Variants in PGM2 observed in about 807,000 individuals in gnomAD.
The protein encoded by PGM2 is phosphopentomutase.
A neutral mutation model predicts 74.6 loss-of-function variants in PGM2; 57 were observed. That is an observed-to-expected ratio of 0.76 (90% CI 0.62 to 0.95). The LOEUF (loss-of-function observed/expected upper bound fraction) is 0.95. PGM2 is among the 40% of genes least tolerant of loss of function. The pLI is 0.00. For missense variants in PGM2, 706 were observed against 741.9 expected (o/e 0.95, Z 0.56); for synonymous variants, 273 against 260.7 (o/e 1.05, Z -0.46).
At position 37,840,197 on chromosome 4, in the gene PGM2, C is replaced by CAAA; in HGVS notation, c.659_660insAAA (p.His219_Asn220insLys). 19 of 1,612,798 alleles carry CAAA rather than the reference C, an allele frequency of 1.2e-5. No individual in the cohort carries two copies. Among genetic ancestry groups the CAAA allele is most frequent in the Non-Finnish European group, 1.6e-5 (19 of 1,178,758 alleles). On this transcript the variant is annotated inframe_insertion, in exon 6 of 14. Coordinates refer to ENST00000381967, the MANE Select transcript of PGM2 (RefSeq NM_018290.4). ...TAATTGATAGCAGTCCACTTCTCCACAATCCGAGTGCTTCCATCAATAATG... is the reference window on the plus strand; with the variant it reads ...TAATTGATAGCAGTCCACTTCTCCACAAAAATCCGAGTGCTTCCATCAATAATG...
At chr4:37,858,166 TA>T (rs1257585819) in intron 13 of PGM2, among the ~76,000 whole-genome samples, 1 of 152,156 alleles carries the variant, frequency 6.6e-6, no homozygotes. Flanking sequence ...TATTAGCTTA[TA>T]AATTAGTGAA....
At chr4:37,845,227 A>T (rs978358633) in intron 7 of PGM2, among the ~76,000 whole-genome samples, 1 of 152,186 alleles carries the variant, frequency 6.6e-6, no homozygotes, top group African/African-American at 2.4e-5. Flanking sequence ...AGTGTTGCTT[A>T]CATTATGGTT....
rs1725397671 is a variant in PGM2, at chr4:37,830,002, A to G, written c.120A>G (p.Ala40=). The G allele has an allele frequency of 6.2e-7, 1 of 1,609,182 alleles. No homozygotes were observed. The highest frequency in any genetic ancestry group is 8.5e-7 in the Non-Finnish European group (1 of 1,178,172). ...LTLEAVKRLI[A]EGNKEELRKC... ...TGGAGGCAGTGAAACGACTAATAGC[A>G]GAAGGTAATAAAGAAGAACTACGAA... Residue 40 remains alanine (A), a synonymous_variant, in exon 2 of 14, where the codon GCA becomes GCG. Transcript: ENST00000381967.
chr4:37,845,636 T>C lies in PGM2; in HGVS notation c.913T>C (p.Leu305=), dbSNP rs910084199. Reference sequence around the variant, plus strand: ...TTATTTTCATATTCTTCTTCAGACTTTGTCTTTTGCTTTGGCTGACAAAAC... The same window carrying C: ...TTATTTTCATATTCTTCTTCAGACTCTGTCTTTTGCTTTGGCTGACAAAAC... The part of the protein sequence containing the change: ...NPEEGKGVLT[L]SFALADKTKA... Residue 305 remains leucine, a synonymous_variant, in exon 8 of 14, where the codon TTG becomes CTG. Transcript: ENST00000381967. The C allele has an allele frequency of 1.3e-6, 2 of 1,598,330 alleles. No homozygotes were observed. The highest frequency in any genetic ancestry group is 2.7e-5 in the African/African-American group (2 of 74,614).
At chr4:37,849,827 C>G (rs1033732259) in intron 11 of PGM2, among the ~76,000 whole-genome samples, 4 of 151,790 alleles carry the variant, frequency 2.6e-5, no homozygotes, top group African/African-American at 9.7e-5. Context: ...TCTCTCGTTG[C>G]CCAGGCTAGA....
chr4:37,855,922 C>CT (rs1170503419), intron 13 of PGM2, among the ~76,000 whole-genome samples, 181 bp downstream of exon 13: 1 of 152,190 alleles, frequency 6.6e-6, no homozygotes, highest in Non-Finnish European at 1.5e-5. Context: ...GAAAAGCTTA[C>CT]TTTTTACTTT....
chr4:37,826,866 C>T (rs1340692222), intron 1 of PGM2, 53 bp downstream of exon 1: 1 of 1,150,024 alleles, frequency 8.7e-7, no homozygotes, highest in Non-Finnish European at 1.3e-6. Context: ...GGTGCTCTGC[C>T]CTCTCCAGGC....
intron 1 of PGM2, 94 bp from the exon 2 acceptor site, chr4:37,829,870 A>AT (rs377063620): frequency 2.0e-5 from 9 of 445,150 alleles, no homozygotes; most frequent in African/African-American, 1.2e-4. Context: ...ACATATATAT[A>AT]TATTTTCTAT....
chr4:37,830,497 A>G (rs771181367), intron 2 of PGM2, among the ~76,000 whole-genome samples: 11 of 152,258 alleles, frequency 7.2e-5, no homozygotes, highest in Non-Finnish European at 8.8e-5. Context: ...TGCCATGATT[A>G]CATAGCAAGT....
At chr4:37,837,900 A>C (rs1441067984) in intron 4 of PGM2, among the ~76,000 whole-genome samples, 2 of 149,982 alleles carry the variant, frequency 1.3e-5, no homozygotes, top group Non-Finnish European at 3.0e-5. Context: ...TTTTTTTTTG[A>C]GACAGAGTCT....
intron 6 of PGM2, among the ~76,000 whole-genome samples, chr4:37,840,945 T>C (rs1725692410): frequency 9.3e-6 from 1 of 107,300 alleles, no homozygotes; most frequent in Non-Finnish European, 2.1e-5. Context: ...TTCATACATG[T>C]AAGTGTGTGT....
chr4:37,842,733 T>C (rs1725764534), intron 6 of PGM2, among the ~76,000 whole-genome samples: 1 of 152,056 alleles, frequency 6.6e-6, no homozygotes, highest in Non-Finnish European at 1.5e-5. Context: ...TGATCTTGGC[T>C]CACTGCGGCC....
intron 12 of PGM2, among the ~76,000 whole-genome samples, chr4:37,853,196 G>A (rs1726099201): frequency 6.6e-6 from 1 of 152,028 alleles, no homozygotes; most frequent in Non-Finnish European, 1.5e-5. Context: ...GGAGTGCAGT[G>A]ACATGATCAT....
Position 37,845,619 on chromosome 4 carries a change from A to G in PGM2, c.910-14A>G, listed in dbSNP as rs1577678552. 1.9e-6 allele frequency: 3 copies of G among 1,547,814 alleles called. No individual in the cohort carries two copies. Among genetic ancestry groups the G allele is most frequent in the Non-Finnish European group, 1.8e-6 (2 of 1,119,764 alleles). The stretch of plus-strand genomic sequence containing the variant: ...CTTGATTAAATAATCTTTTATTTTC[A>G]TATTCTTCTTCAGACTTTGTCTTTT... On this transcript the variant is annotated splice_polypyrimidine_tract_variant and intron_variant, in intron 7 of 13. Transcript: ENST00000381967.
Position 37,845,660 on chromosome 4 carries a change from A to AC in PGM2, c.939dup (p.Lys314GlnfsTer8). 1 of 1,613,326 alleles carries AC rather than the reference A, an allele frequency of 6.2e-7. No homozygotes were observed. Among genetic ancestry groups the AC allele is most frequent in the Non-Finnish European group, 8.5e-7 (1 of 1,179,276 alleles). On this transcript the variant is annotated frameshift_variant, in exon 8 of 14. Coordinates refer to ENST00000381967, the MANE Select transcript of PGM2 (RefSeq NM_018290.4). LOFTEE classifies it high-confidence loss of function. ...TTTGTCTTTTGCTTTGGCTGACAAA[A>AC]CCAAGGCCAGAATTGTTTTAGCTAA...
intron 13 of PGM2, among the ~76,000 whole-genome samples, chr4:37,856,452 C>T (rs545578405): frequency 5.0e-4 from 76 of 152,118 alleles, no homozygotes; most frequent in Non-Finnish European, 8.5e-4. Context: ...TTTGAGTACC[C>T]ATTGTAGACA....
chr4:37,858,697 A>T (rs1711648636), intron 13 of PGM2, among the ~76,000 whole-genome samples: 1 of 152,048 alleles, frequency 6.6e-6, no homozygotes, highest in Non-Finnish European at 1.5e-5. Flanking sequence ...AAAAGCTTAA[A>T]TATTATTAAT....
At chr4:37,839,784 A>T in intron 4 of PGM2, 64 bp from the exon 5 acceptor site, 1 of 904,172 alleles carries the variant, frequency 1.1e-6, no homozygotes, top group Non-Finnish European at 1.9e-6. Context: ...TAAAATAGAC[A>T]TTTTAAGAAT....
At chr4:37,828,809 C>A (rs1163134994) in intron 1 of PGM2, among the ~76,000 whole-genome samples, 1 of 152,130 alleles carries the variant, frequency 6.6e-6, no homozygotes, top group Non-Finnish European at 1.5e-5. Context: ...CTTTTATGAG[C>A]CTCTTTTATG....
Sources: gnomAD v4.1 joint callset for allele counts (sites outside exome capture counted in the v4.1 genomes callset) on GRCh38, gnomAD v4.1.1 for gene constraint, MANE v1.5 for transcripts, NCBI Gene and HGNC (gene_info 2026-07-23, HGNC 2026-07-21) for gene names.